Variants in CP observed in about 807,000 individuals in gnomAD.
The protein encoded by CP is ceruloplasmin, also known as caeruloplasmin.
Under a neutral mutation model 122.4 loss-of-function variants are expected in CP, and 64 were observed. That is an observed-to-expected ratio of 0.52 (90% confidence interval 0.43 to 0.64). The LOEUF (loss-of-function observed/expected upper bound fraction) is 0.64, where lower values mean the gene tolerates loss of function less well. Among genes scored for constraint, CP ranks in the 30% least tolerant of loss-of-function variants. The pLI, the probability that CP is intolerant of heterozygous loss-of-function variation, is 0.00. For synonymous variants in CP, 440 were observed against 436.4 expected, an observed-to-expected ratio of 1.01 and a Z score of -0.10; for missense variants, 1,167 against 1,284.4, an observed-to-expected ratio of 0.91 and a Z score of 1.40.
rs754060571 is a variant in CP at position 149,210,263 on chromosome 3, C to A, written c.511G>T (p.Asp171Tyr). 2 of 1,614,044 alleles carry A rather than the reference C, an allele frequency of 1.2e-6. No homozygotes were observed. The highest frequency in any genetic ancestry group is 1.7e-6 in the Non-Finnish European group (2 of 1,179,906). The change falls in exon 3 of 19, where the codon GAT becomes TAT. Residue 171 changes from aspartate to tyrosine, a missense_variant. Asp to Tyr is a radical substitution (Grantham distance 160). This residue lies in a region of CP where 642 missense variants were observed against 627.3 expected (regional missense o/e 1.02). Coordinates refer to ENST00000264613, the MANE Select transcript of CP (RefSeq NM_000096.4). Reference protein sequence around the residue: ...ATEEQSPGEGDGNCVTRIYHS... With the variant: ...ATEEQSPGEGYGNCVTRIYHS... ...TAAATCCTAGTCACACAATTGCCAT[C>A]TCCTTCCCCAGGACTTTGTTCTTCA...
rs373113860 is a variant in CP, at chr3:149,212,203, C to T, written c.394+248G>A. ...GTGGGCGCCTGTAGTCCCAGCTACT[C>T]GGGAGGCTGAGGCAGGAGAATGGCT... On this transcript the variant is annotated intron_variant, in intron 2 of 18. Transcript: ENST00000264613. Among the ~76,000 whole-genome samples the T allele has an allele frequency of 5.9e-5, 9 of 151,548 alleles. No individual in the cohort carries two copies. In the East Asian group the frequency reaches 1.2e-3, roughly 20 times the overall value.
chr3:149,197,324 G>A (rs1377220206), intron 9 of CP, among the ~76,000 whole-genome samples: 2 of 152,120 alleles, frequency 1.3e-5, no homozygotes, highest in Admixed American at 1.3e-4. Flanking sequence ...AGAAGTTCCT[G>A]TTTATAGAGA....
intron 16 of CP, 122 bp from the exon 17 acceptor site, chr3:149,178,101 A>G: frequency 1.1e-6 from 1 of 923,552 alleles, no homozygotes; most frequent in Non-Finnish European, 1.7e-6. Context: ...GACTTATTTT[A>G]CTACAAATGA....
Position 149,177,945 on chromosome 3 carries a change from G to T in CP, c.2913C>A (p.Gly971=). 6.2e-7 allele frequency: 1 copy of T among 1,613,422 alleles called. No individual in the cohort carries two copies. The highest frequency in any genetic ancestry group is 8.5e-7 in the Non-Finnish European group (1 of 1,179,368). ...INGRMFGNLQ[G]LTMHVGDEVN... ...CTTCATCTCCCACGTGCATTGTGAG[G>T]CCTTGTAGGTTTCCAAACATTCTTC... The change falls in exon 17 of 19, where the codon GGC becomes GGA. Residue 971 remains glycine, a synonymous_variant. Transcript: ENST00000264613.
chr3:149,175,849 T>G (rs977253085), intron 18 of CP: 1 of 174,480 alleles, frequency 5.7e-6, no homozygotes, highest in Admixed American at 5.9e-5. Flanking sequence ...TATTTGGGGT[T>G]GTCTTGGGCT....
At chr3:149,213,253 T>C (rs1369171015) in intron 1 of CP, among the ~76,000 whole-genome samples, 6 of 152,238 alleles carry the variant, frequency 3.9e-5, no homozygotes, top group Non-Finnish European at 8.8e-5. Context: ...GAGTTGTTGA[T>C]GCATGCAATG....
chr3:149,187,054 G>A (rs528522484), intron 10 of CP, among the ~76,000 whole-genome samples: 33 of 152,148 alleles, frequency 2.2e-4, no homozygotes, highest in African/African-American at 8.0e-4. Context: ...ATATTTGTGA[G>A]CACCCAAATC....
In CP at chr3:149,176,276, G is replaced by T; in HGVS notation, c.3155C>A (p.Thr1052Asn). The T allele has an allele frequency of 6.2e-7, 1 of 1,612,672 alleles. No homozygotes were observed. The change falls in exon 18 of 19, where the codon ACC becomes AAC. Residue 1052 changes from threonine to asparagine, a missense_variant. By Grantham distance (65) the Thr-to-Asn change is moderately conservative (BLOSUM62 0). This residue lies in a region of CP where 525 missense variants were observed against 657.2 expected (regional missense o/e 0.80). Transcript: ENST00000264613. ...TTCATTTTGTAGAACGGTGTAAGTG[G>T]TTTCCATTCCAGCATGAATGTGGTC... Reference protein sequence around the residue: ...VTDHIHAGMETTYTVLQNEDT... With the variant: ...VTDHIHAGMENTYTVLQNEDT...
intron 1 of CP, among the ~76,000 whole-genome samples, chr3:149,215,220 C>T (rs1284505778): frequency 1.3e-5 from 2 of 152,186 alleles, no homozygotes; most frequent in East Asian, 1.9e-4. Context: ...CTTTGGCATA[C>T]ATCATGTCCT....
intron 9 of CP, among the ~76,000 whole-genome samples, chr3:149,194,431 G>T (rs1054601670): frequency 1.3e-5 from 2 of 151,828 alleles, no homozygotes; most frequent in Non-Finnish European, 2.9e-5. Context: ...TAGAGACGGG[G>T]TTTCACCATG....
chr3:149,215,015 G>A (rs1002691169), intron 1 of CP, among the ~76,000 whole-genome samples: 2 of 152,122 alleles, frequency 1.3e-5, no homozygotes, highest in African/African-American at 4.8e-5. Flanking sequence ...AAGCCCCAGG[G>A]TAAATTTTCT....
At chr3:149,180,039 T>C in intron 14 of CP, 1 of 268,864 alleles carries the variant, frequency 3.7e-6, no homozygotes, top group Non-Finnish European at 7.3e-6. Flanking sequence ...AAGTGATTTT[T>C]CCCCAGTGGC....
Position 149,199,793 on chromosome 3 carries a change from T to C in CP, c.1420A>G (p.Ser474Gly). The C allele has an allele frequency of 6.2e-7, 1 of 1,614,162 alleles. No individual in the cohort carries two copies. The highest frequency in any genetic ancestry group is 8.5e-7 in the Non-Finnish European group (1 of 1,179,980). Residue 474 changes from serine to glycine, a missense_variant, in exon 8 of 19, where the codon AGT (serine) becomes GGT (glycine). Coordinates refer to ENST00000264613, the MANE Select transcript of CP (RefSeq NM_000096.4). ...AATCTCACCCCAATCGGCTCAATAC[T>C]GAGGGGATATGCTCCTTTGTTATGG... ...TFHNKGAYPL[S>G]IEPIGVRFNK...
Position 149,199,812 on chromosome 3 carries a change from G to T in CP, c.1401C>A (p.Asn467Lys). 1.2e-6 allele frequency: 2 copies of T among 1,614,100 alleles called. No homozygotes were observed. Among genetic ancestry groups the T allele is most frequent in the South Asian group, 2.2e-5 (2 of 91,084 alleles). Residue 467 changes from asparagine to lysine, a missense_variant, in exon 8 of 19, where the codon AAC (asparagine) becomes AAA (lysine). Asn to Lys is a moderately conservative substitution (Grantham distance 94, BLOSUM62 0). This residue lies in a region of CP where 642 missense variants were observed against 627.3 expected (regional missense o/e 1.02). Coordinates refer to ENST00000264613, the MANE Select transcript of CP (RefSeq NM_000096.4). Reference sequence around the variant, plus strand: ...CAATACTGAGGGGATATGCTCCTTTGTTATGGAAGGTTACTCTGATGGTGT... The same window carrying T: ...CAATACTGAGGGGATATGCTCCTTTTTTATGGAAGGTTACTCTGATGGTGT... The part of the protein sequence containing the change: ...VGDTIRVTFH[N>K]KGAYPLSIEP...
chr3:149,205,373 C>T (rs1002315846), intron 6 of CP, among the ~76,000 whole-genome samples: 1 of 148,078 alleles, frequency 6.8e-6, no homozygotes, highest in African/African-American at 2.5e-5. Context: ...CAGCTAGAAG[C>T]GGAATCGCTT....
intron 9 of CP, among the ~76,000 whole-genome samples, chr3:149,193,262 G>A (rs181027346): frequency 6.6e-6 from 1 of 152,088 alleles, no homozygotes; most frequent in Non-Finnish European, 1.5e-5. Flanking sequence ...GTAAAAATGG[G>A]CATATCCTAC....
At chr3:149,195,739 G>A (rs1229011954) in intron 9 of CP, among the ~76,000 whole-genome samples, 9 of 151,916 alleles carry the variant, frequency 5.9e-5, no homozygotes, top group East Asian at 1.9e-4. Context: ...GGTGGCGGGC[G>A]CCTGTAGTCC....
downstream of CP, chr3:149,170,612 G>C (rs1431389810): frequency 6.6e-6 from 1 of 152,162 alleles, no homozygotes; most frequent in Non-Finnish European, 1.5e-5. Context: ...TCCCAAGTCT[G>C]TCTGGATTCC....
downstream of CP, among the ~76,000 whole-genome samples, chr3:149,169,039 G>A (rs1724714508): frequency 2.5e-5 from 3 of 119,454 alleles, no homozygotes; most frequent in African/African-American, 4.5e-5. Context: ...GTGTGCATAC[G>A]TGTGTGTGTG....
Sources: gnomAD v4.1 joint callset for allele counts (sites outside exome capture counted in the v4.1 genomes callset) on GRCh38, gnomAD v4.1.1 for gene constraint, gnomAD v4.1.1 regional missense constraint, MANE v1.5 for transcripts, NCBI Gene and HGNC (gene_info 2026-07-23, HGNC 2026-07-21) for gene names.